Variants in ANO4 observed in about 807,000 individuals in gnomAD.
ANO4 encodes anoctamin 4, also known as anoctamin-4.
ANO4 carries 69 observed loss-of-function variants against 141.9 expected under a neutral mutation model. The observed-to-expected ratio is 0.49, with a 90% confidence interval of 0.40 to 0.59. The LOEUF is 0.59. Among genes scored for constraint, ANO4 ranks in the 20% least tolerant of loss-of-function variants. The pLI, the probability that ANO4 is intolerant of heterozygous loss-of-function variation, is 0.00. For missense variants in ANO4, 894 were observed against 1,162.2 expected (o/e 0.77, Z 3.36); for synonymous variants, 350 against 394.3 (o/e 0.89, Z 1.33).
chr12:100,973,488 A>C (rs2044019450), intron 6 of ANO4, among the ~76,000 whole-genome samples: 1 of 152,214 alleles, frequency 6.6e-6, no homozygotes, highest in Admixed American at 6.5e-5. Flanking sequence ...CTTATGAGAA[A>C]TTACAGTAAA....
intron 2 of ANO4, chr12:100,733,935 G>A: frequency 3.2e-6 from 2 of 633,474 alleles, no homozygotes; most frequent in Middle Eastern, 4.9e-4. Context: ...GGGTGGCTGG[G>A]GAGGAGAGGG....
At chr12:100,846,270 T>TA (rs1228653601) in intron 1 of ANO4, among the ~76,000 whole-genome samples, 1 of 152,232 alleles carries the variant, frequency 6.6e-6, no homozygotes, top group East Asian at 1.9e-4. Flanking sequence ...CTTGTCTTCT[T>TA]ACTGTTAGTT....
chr12:101,099,723 A>G lies in ANO4; in HGVS notation c.2149+3A>G. 2 of 1,554,626 alleles carry G rather than the reference A, an allele frequency of 1.3e-6. No individual in the cohort carries two copies. The highest frequency in any genetic ancestry group is 1.7e-6 in the Non-Finnish European group (2 of 1,159,672). ...CTTCGATGAATACTTAGAAATGAGT[A>G]TGGAAATATTCTACTTTATCTTATT... On this transcript the variant is annotated splice_donor_region_variant and intron_variant, in intron 22 of 27. Coordinates refer to ENST00000392977, the MANE Select transcript of ANO4 (RefSeq NM_001286615.2).
chr12:101,020,970 A>C (rs974326699), intron 9 of ANO4, among the ~76,000 whole-genome samples: 3 of 152,206 alleles, frequency 2.0e-5, no homozygotes, highest in Non-Finnish European at 4.4e-5. Context: ...TTTTATATAA[A>C]TAATTAACTG....
At chr12:100,877,097 T>A (rs1206517673) in intron 1 of ANO4, among the ~76,000 whole-genome samples, 1 of 152,068 alleles carries the variant, frequency 6.6e-6, no homozygotes, top group Non-Finnish European at 1.5e-5. Context: ...GAGAGTAGAA[T>A]GATGATTGCC....
At chr12:100,908,784 G>A (rs764688420) in intron 2 of ANO4, among the ~76,000 whole-genome samples, 4 of 152,112 alleles carry the variant, frequency 2.6e-5, no homozygotes, top group African/African-American at 4.8e-5. Context: ...CCCTGTTCCC[G>A]AAGTGTTCTC....
chr12:101,085,072 C>G (rs1302448462), intron 16 of ANO4, among the ~76,000 whole-genome samples: 1 of 152,176 alleles, frequency 6.6e-6, no homozygotes, highest in African/African-American at 2.4e-5. Flanking sequence ...TGAGCTAGGA[C>G]TTGTACTTGA....
intron 9 of ANO4, among the ~76,000 whole-genome samples, chr12:101,031,149 C>G (rs2046958794): frequency 6.6e-6 from 1 of 152,162 alleles, no homozygotes; most frequent in Non-Finnish European, 1.5e-5. Context: ...GAATTTCAGG[C>G]CAATATTCCT....
chr12:101,080,769 G>A (rs1253969576), intron 15 of ANO4, among the ~76,000 whole-genome samples: 1 of 151,232 alleles, frequency 6.6e-6, no homozygotes, highest in Non-Finnish European at 1.5e-5. Flanking sequence ...GGAGGTTGCA[G>A]TGAGCCAAGA....
At chr12:100,789,287 A>T (rs1453631468) in intron 3 of ANO4, among the ~76,000 whole-genome samples, 1 of 151,832 alleles carries the variant, frequency 6.6e-6, no homozygotes, top group Non-Finnish European at 1.5e-5. Context: ...AGGCCTTCCC[A>T]CTCCACTCTT....
rs11611390 is a variant in ANO4 at position 101,086,285 on chromosome 12, G to A, written c.1537-375G>A. ...CTAGAGAGAGGGTCTTGCAGGCTGCGTAAGGGTTTTGCTTTTATCCTAGAA... is the reference window on the plus strand; with the variant it reads ...CTAGAGAGAGGGTCTTGCAGGCTGCATAAGGGTTTTGCTTTTATCCTAGAA... On this transcript the variant is annotated intron_variant, in intron 16 of 27. Transcript: ENST00000392977. Among the ~76,000 whole-genome samples, 1,080 of 152,158 alleles carry A rather than the reference G, an allele frequency of 7.1e-3. 7 individuals are homozygous for A. Among genetic ancestry groups the A allele is most frequent in the Non-Finnish European group, 0.013 (867 of 67,978 alleles).
At chr12:101,011,037 A>G (rs2046064179) in intron 8 of ANO4, among the ~76,000 whole-genome samples, 2 of 152,036 alleles carry the variant, frequency 1.3e-5, no homozygotes, top group Admixed American at 1.3e-4. Context: ...TAGCTGGGGG[A>G]TGCTGCCAGC....
intron 1 of ANO4, among the ~76,000 whole-genome samples, chr12:100,721,235 C>G (rs1403971308): frequency 1.3e-5 from 2 of 152,346 alleles, no homozygotes; most frequent in Admixed American, 6.5e-5. Flanking sequence ...CTACTGAGCT[C>G]TAACTATGTT....
At chr12:100,948,073 A>G (rs903816327) in intron 5 of ANO4, among the ~76,000 whole-genome samples, 1 of 145,658 alleles carries the variant, frequency 6.9e-6, no homozygotes, top group Non-Finnish European at 1.5e-5. Context: ...GGACGCCTGT[A>G]GTCCCAGCTA....
chr12:100,851,796 G>C (rs2037887724), intron 1 of ANO4, among the ~76,000 whole-genome samples: 1 of 152,086 alleles, frequency 6.6e-6, no homozygotes, highest in African/African-American at 2.4e-5. Context: ...CCAGAGACCT[G>C]TGGGGGGAGG....
intron 2 of ANO4, among the ~76,000 whole-genome samples, chr12:100,734,462 G>A (rs772257999): frequency 1.5e-4 from 23 of 152,174 alleles, no homozygotes; most frequent in Non-Finnish European, 2.9e-4. Flanking sequence ...ATGTTGGGCA[G>A]TGACTTAGAG....
intron 8 of ANO4, among the ~76,000 whole-genome samples, chr12:100,997,368 G>T (rs1193989156): frequency 6.8e-6 from 1 of 147,292 alleles, no homozygotes; most frequent in Non-Finnish European, 1.5e-5. Flanking sequence ...TTTCTCCACA[G>T]TGCTGCCACC....
At chr12:101,017,350 C>G (rs2046354027) in intron 8 of ANO4, among the ~76,000 whole-genome samples, 1 of 152,148 alleles carries the variant, frequency 6.6e-6, no homozygotes, top group Non-Finnish European at 1.5e-5. Context: ...TCGATTACCT[C>G]CCACCAGGTC....
rs1387720789 is a variant in ANO4, at chr12:100,742,925, G to A, written c.358+2820G>A. 1.3e-5 allele frequency among the ~76,000 whole-genome samples: 2 copies of A among 152,158 alleles called. 1 individual carries two copies. The highest frequency in any genetic ancestry group is 2.9e-5 in the Non-Finnish European group (2 of 68,034). ...AGTGAACAACTTGTGAAACTGCATA[G>A]TGGTCCTGAATGTAGTTCTTCCTTA... is the stretch of plus-strand genomic sequence containing the variant. On this transcript the variant is annotated intron_variant, in intron 3 of 29. Transcript: ENST00000644049.
Sources: allele counts gnomAD v4.1 joint callset (sites outside exome capture counted in the v4.1 genomes callset), GRCh38; gene constraint gnomAD v4.1.1; transcripts MANE v1.5; gene names NCBI Gene and HGNC (gene_info 2026-07-23, HGNC 2026-07-21).